Variants in CSMD2 observed in about 807,000 individuals in gnomAD.
CSMD2 encodes the protein CUB and Sushi multiple domains 2, also known as CUB and sushi domain-containing protein 2.
A neutral mutation model predicts 398.5 loss-of-function variants in CSMD2; 130 were observed. The ratio of observed to expected loss-of-function variants is 0.33; its 90% CI spans 0.28 to 0.38. CSMD2 has a LOEUF of 0.38. Among genes scored for constraint, CSMD2 ranks in the 10% least tolerant of loss-of-function variants. The pLI is 1.00. For synonymous variants in CSMD2, 1,828 were observed against 1,908.5 expected (o/e 0.96, Z 1.10); for missense variants, 3,829 against 4,764.9 (o/e 0.80, Z 5.78).
chr1:33,849,854 A>G (rs1638572602), intron 5 of CSMD2, among the ~76,000 whole-genome samples: 1 of 152,086 alleles, frequency 6.6e-6, no homozygotes, highest in Non-Finnish European at 1.5e-5. Context: ...TATGTAAACT[A>G]TATTATAATA....
intron 5 of CSMD2, chr1:33,864,787 C>T (rs777114230): frequency 3.2e-6 from 5 of 1,538,476 alleles, no homozygotes; most frequent in Non-Finnish European, 4.4e-6. Flanking sequence ...TGCCATTCAA[C>T]CGTATTTCCT....
At chr1:33,978,347 CTTA>C (rs947445955) in intron 3 of CSMD2, among the ~76,000 whole-genome samples, 5 of 152,138 alleles carry the variant, frequency 3.3e-5, no homozygotes, top group African/African-American at 7.2e-5. Flanking sequence ...TCATTCCCAA[CTTA>C]TTATTTAGCA....
At chr1:33,875,279 G>C (rs2125156370) in intron 5 of CSMD2, among the ~76,000 whole-genome samples, 1 of 152,344 alleles carries the variant, frequency 6.6e-6, no homozygotes, top group African/African-American at 2.4e-5. Context: ...CGGGGGAACT[G>C]CATGGACTTC....
chr1:34,152,696 C>G (rs544233462), intron 1 of CSMD2, among the ~76,000 whole-genome samples: 1 of 152,170 alleles, frequency 6.6e-6, no homozygotes, highest in Non-Finnish European at 1.5e-5. Context: ...AGTTGTCCCT[C>G]TTCTTTTATA....
intron 64 of CSMD2, among the ~76,000 whole-genome samples, chr1:33,529,823 A>G (rs1283201199): frequency 6.6e-6 from 1 of 152,244 alleles, no homozygotes; most frequent in Admixed American, 6.5e-5. Flanking sequence ...AGAGAACACC[A>G]ACAAGAGAGC....
chr1:33,611,298 C>T, intron 40 of CSMD2, 48 bp from the exon 41 acceptor site: 2 of 1,513,854 alleles, frequency 1.3e-6, no homozygotes, highest in Non-Finnish European at 1.8e-6. Context: ...CACAGTCCTG[C>T]CTCAAGTGTG....
intron 4 of CSMD2, among the ~76,000 whole-genome samples, chr1:33,930,840 A>C (rs1260300324): frequency 6.6e-6 from 1 of 152,128 alleles, no homozygotes; most frequent in Non-Finnish European, 1.5e-5. Context: ...ATGGGTCAGG[A>C]TCTTTGGGAT....
chr1:33,896,887 G>A (rs1642425563), intron 5 of CSMD2, among the ~76,000 whole-genome samples: 1 of 151,990 alleles, frequency 6.6e-6, no homozygotes, highest in Admixed American at 6.6e-5. Context: ...GAAAGCACGT[G>A]CAAAGGCCCT....
intron 22 of CSMD2, among the ~76,000 whole-genome samples, chr1:33,706,778 G>GTGCA (rs945364968): frequency 6.6e-6 from 1 of 152,008 alleles, no homozygotes; most frequent in African/African-American, 2.4e-5. Flanking sequence ...GTGTGTGTGT[G>GTGCA]TGCATGTACG....
At chr1:34,165,672 C>G, upstream of CSMD2, 1 of 1,416,886 alleles carries the variant, frequency 7.1e-7, no homozygotes, top group Non-Finnish European at 1.0e-6. Context: ...ACACCTCTTC[C>G]ACGTTTGGAA....
rs1189103498 is a variant in CSMD2 at position 33,559,363 on chromosome 1, C to G, written c.8491G>C (p.Gly2831Arg). The G allele has an allele frequency of 2.0e-6, 3 of 1,535,956 alleles. No homozygotes were observed. Residue 2831 changes from glycine (G) to arginine (R), a missense_variant, in exon 54 of 71, where the codon GGG (glycine) becomes CGG (arginine). Coordinates refer to ENST00000373381, the MANE Select transcript of CSMD2 (RefSeq NM_001281956.2). The surrounding 1 kb of genome is among the most constrained non-coding windows in gnomAD (Gnocchi z 4.0). Reference sequence around the variant, plus strand: ...GCCAGGCATTGGGACCTAGCAGCCCCCTCAGCCATATACCCAGGGTTGCAA... The same window carrying G: ...GCCAGGCATTGGGACCTAGCAGCCCGCTCAGCCATATACCCAGGGTTGCAA... ...FVCNPGYMAEGAARSQCLASG... is the reference protein window; with the variant it reads ...FVCNPGYMAERAARSQCLASG...
At chr1:33,592,477 G>A in intron 44 of CSMD2, 1 of 717,076 alleles carries the variant, frequency 1.4e-6, no homozygotes, top group Non-Finnish European at 2.6e-6. Flanking sequence ...TGTACAAACA[G>A]CTGCCAAGTG....
intron 11 of CSMD2, among the ~76,000 whole-genome samples, chr1:33,789,457 T>G (rs1426819194): frequency 6.6e-6 from 1 of 152,248 alleles, no homozygotes; most frequent in East Asian, 1.9e-4. Context: ...AAGTGCAGAA[T>G]GGGCAGTGGC....
At chr1:34,154,357 C>T (rs552816794) in intron 1 of CSMD2, among the ~76,000 whole-genome samples, 1 of 152,266 alleles carries the variant, frequency 6.6e-6, no homozygotes, top group East Asian at 1.9e-4. Context: ...GAAAAATTAA[C>T]ACACTAACCC....
chr1:33,805,016 G>A, intron 10 of CSMD2: 2 of 633,322 alleles, frequency 3.2e-6, no homozygotes, highest in Admixed American at 5.1e-5. Flanking sequence ...GCGGTGCTCT[G>A]CAGAGGTGCT....
intron 19 of CSMD2, among the ~76,000 whole-genome samples, chr1:33,719,170 C>T (rs1646273320): frequency 6.6e-6 from 1 of 152,206 alleles, no homozygotes; most frequent in Admixed American, 6.5e-5. Flanking sequence ...TGCCCACGTG[C>T]ATGCTCTACT....
intron 2 of CSMD2, among the ~76,000 whole-genome samples, chr1:34,045,860 C>G (rs1034099324): frequency 2.6e-5 from 4 of 152,226 alleles, no homozygotes; most frequent in Non-Finnish European, 4.4e-5. Flanking sequence ...CAACGGTTCC[C>G]AAATCATGTT....
chr1:33,532,761 G>A lies in CSMD2; in HGVS notation c.10171+289C>T, dbSNP rs1486874763. Among the ~76,000 whole-genome samples the A allele has an allele frequency of 3.3e-5, 5 of 152,292 alleles. No homozygotes were observed. In the East Asian group the frequency reaches 9.6e-4, roughly 29 times the overall value. ...ATCAAGGGTGCAATATGTGTAATGC[G>A]TCACTCCAGTTTGGTGGAAGAAAGC... On this transcript the variant is annotated intron_variant, in intron 64 of 70. Transcript: ENST00000373381.
At chr1:34,131,726 G>A (rs912073350) in intron 1 of CSMD2, among the ~76,000 whole-genome samples, 1 of 152,088 alleles carries the variant, frequency 6.6e-6, no homozygotes, top group African/African-American at 2.4e-5. Flanking sequence ...TCCTGATCAG[G>A]CATAAAATTT....
Sources: allele counts gnomAD v4.1 joint callset (sites outside exome capture counted in the v4.1 genomes callset), GRCh38; gene constraint gnomAD v4.1.1; non-coding constraint Gnocchi (gnomAD v3.1); transcripts MANE v1.5; gene names NCBI Gene and HGNC (gene_info 2026-07-23, HGNC 2026-07-21).